The following UNC13B variants were observed in gnomAD, a reference collection of about 807,000 sequenced individuals.
The protein encoded by UNC13B is unc-13 homolog B, also known as protein unc-13 homolog B.
In UNC13B, 144 loss-of-function variants were observed where a neutral mutation model predicts 211.0. The ratio of observed to expected loss-of-function variants is 0.68; its 90% CI spans 0.60 to 0.78. The LOEUF (loss-of-function observed/expected upper bound fraction) is 0.78. Ranked by LOEUF, UNC13B falls within the 30% of genes least tolerant of loss-of-function variation. The pLI, the probability that UNC13B is intolerant of heterozygous loss-of-function variation, is 0.00. For synonymous variants in UNC13B, 709 were observed against 725.8 expected, an observed-to-expected ratio of 0.98 and a Z score of 0.37; for missense variants, 1,777 against 2,002.0, an observed-to-expected ratio of 0.89 and a Z score of 2.14.
At chr9:35,183,993 C>T (rs1365443952) in intron 1 of UNC13B, among the ~76,000 whole-genome samples, 2 of 149,982 alleles carry the variant, frequency 1.3e-5, no homozygotes, top group Non-Finnish European at 3.0e-5. Flanking sequence ...CCTCACCTCC[C>T]AGACGGGGCA....
intron 1 of UNC13B, among the ~76,000 whole-genome samples, chr9:35,209,154 T>C (rs1232966707): frequency 2.0e-5 from 3 of 152,146 alleles, no homozygotes; most frequent in Non-Finnish European, 4.4e-5. Flanking sequence ...AGTCTCCGCC[T>C]CACGAGTTCA....
intron 11 of UNC13B, chr9:35,342,303 T>C (rs1300600653): frequency 2.0e-6 from 2 of 985,690 alleles, no homozygotes; most frequent in Non-Finnish European, 2.4e-6. Flanking sequence ...TTTAATTTTT[T>C]TTTTTAATTT....
intron 6 of UNC13B, among the ~76,000 whole-genome samples, chr9:35,250,843 C>A (rs971387100): frequency 5.9e-5 from 9 of 151,870 alleles, no homozygotes; most frequent in African/African-American, 1.5e-4. Flanking sequence ...TTATTATATC[C>A]ATTCTTCGAT....
At chr9:35,320,588 T>C (rs1277564992) in intron 11 of UNC13B, among the ~76,000 whole-genome samples, 9 of 152,238 alleles carry the variant, frequency 5.9e-5, no homozygotes, top group Admixed American at 5.9e-4. Context: ...ATTTGCTGTT[T>C]CCCATGCTTA....
intron 1 of UNC13B, among the ~76,000 whole-genome samples, chr9:35,218,422 A>G (rs1824376900): frequency 6.6e-6 from 1 of 152,116 alleles, no homozygotes; most frequent in South Asian, 2.1e-4. Context: ...TCTGATTCAT[A>G]CAGCTCAATA....
intron 11 of UNC13B, among the ~76,000 whole-genome samples, chr9:35,314,907 T>TCAGGTCTTGCTCC (rs1564130879): frequency 1.1e-4 from 15 of 135,472 alleles, no homozygotes; most frequent in South Asian, 7.8e-4. Flanking sequence ...TTTTTTGAGT[T>TCAGGTCTTGCTCC]CAGGTCTTGC....
rs532853338 is a variant in UNC13B at position 35,231,206 on chromosome 9, C to G, written c.139C>G (p.Gln47Glu). ...AVRGDQPSWEQDFMFEISRLD... is the reference protein window; with the variant it reads ...AVRGDQPSWEEDFMFEISRLD... The stretch of plus-strand genomic sequence containing the variant: ...TCGTGGTGATCAGCCTTCCTGGGAA[C>G]AGGATTTCATGTTGTAAGTATTTTG... The change falls in exon 3 of 40, where the codon CAG (glutamine) becomes GAG (glutamate). Residue 47 changes from glutamine (Q) to glutamate (E), a missense_variant. Coordinates refer to ENST00000635942, the MANE Select transcript of UNC13B (RefSeq NM_001371189.2). 6.2e-6 allele frequency: 10 copies of G among 1,611,996 alleles called. No homozygotes were observed. The highest frequency in any genetic ancestry group is 8.5e-6 in the Non-Finnish European group (10 of 1,178,382).
chr9:35,313,318 T>C (rs976314154), intron 10 of UNC13B, among the ~76,000 whole-genome samples: 1 of 151,978 alleles, frequency 6.6e-6, no homozygotes. Flanking sequence ...ATTGGGTAAA[T>C]GAAAAAGAAG....
At chr9:35,220,247 G>T (rs1244269869) in intron 1 of UNC13B, among the ~76,000 whole-genome samples, 1 of 151,256 alleles carries the variant, frequency 6.6e-6, no homozygotes, top group Non-Finnish European at 1.5e-5. Flanking sequence ...TAGGGTAAAT[G>T]GGGTATCTAT....
intron 11 of UNC13B, chr9:35,352,177 G>A (rs1832757374): frequency 1.6e-6 from 2 of 1,232,208 alleles, no homozygotes; most frequent in Admixed American, 8.4e-5. Context: ...GACCCAGTGA[G>A]GAAGCCATTC....
intron 22 of UNC13B, chr9:35,384,906 G>A (rs1835093581): frequency 4.3e-6 from 3 of 694,934 alleles, no homozygotes; most frequent in Non-Finnish European, 3.5e-6. Context: ...GCTTTAAAGT[G>A]TGTGAATTTT....
At position 35,310,738 on chromosome 9, in the gene UNC13B, G is replaced by T; in HGVS notation, c.9280G>T (p.Asp3094Tyr). 1.2e-6 allele frequency: 2 copies of T among 1,613,920 alleles called. No individual in the cohort carries two copies. Among genetic ancestry groups the T allele is most frequent in the Non-Finnish European group, 1.7e-6 (2 of 1,179,948 alleles). Residue 3094 changes from aspartate to tyrosine, a missense_variant, in exon 10 of 40, where the codon GAT becomes TAT. By Grantham distance (160) the Asp-to-Tyr change is radical (BLOSUM62 -3). Coordinates refer to ENST00000635942, the MANE Select transcript of UNC13B (RefSeq NM_001371189.2). ...AGATGCCACAACCCACCCTCCCCCAGATCTGGTGCTGCAAAAAGACCACTT... is the reference window on the plus strand; with the variant it reads ...AGATGCCACAACCCACCCTCCCCCATATCTGGTGCTGCAAAAAGACCACTT... The part of the protein sequence containing the change: ...KEDATTHPPP[D>Y]LVLQKDHFLG...
intron 12 of UNC13B, among the ~76,000 whole-genome samples, chr9:35,369,725 C>T (rs1833996815): frequency 6.6e-6 from 1 of 152,008 alleles, no homozygotes; most frequent in Non-Finnish European, 1.5e-5. Flanking sequence ...TCTCTCATAC[C>T]ACCTCCCCTA....
Position 35,380,597 on chromosome 9 carries a change from G to T in UNC13B, c.10333G>T (p.Val3445Phe), listed in dbSNP as rs777965576. ...TTTCCTTGGCCAAACCATCATTGAGGTTCGGACCCTAAGTGGCGAGATGGA... is the reference window on the plus strand; with the variant it reads ...TTTCCTTGGCCAAACCATCATTGAGTTTCGGACCCTAAGTGGCGAGATGGA... ...DDFLGQTIIE[V>F]RTLSGEMDVW... Residue 3445 changes from valine (V) to phenylalanine (F), a missense_variant, in exon 18 of 40, where the codon GTT (valine) becomes TTT (phenylalanine). By Grantham distance (50) the Val-to-Phe change is conservative. Coordinates refer to ENST00000635942, the MANE Select transcript of UNC13B (RefSeq NM_001371189.2). The T allele has an allele frequency of 6.2e-7, 1 of 1,614,100 alleles. No individual in the cohort carries two copies. Among genetic ancestry groups the T allele is most frequent in the Admixed American group, 1.7e-5 (1 of 60,004 alleles).
intron 1 of UNC13B, among the ~76,000 whole-genome samples, chr9:35,212,354 C>T (rs1437447726): frequency 6.6e-6 from 1 of 152,188 alleles, no homozygotes; most frequent in African/African-American, 2.4e-5. Flanking sequence ...TAGTGGATCG[C>T]TTGAGGCTAG....
At chr9:35,265,411 T>C (rs1332225453) in intron 7 of UNC13B, among the ~76,000 whole-genome samples, 5 of 152,182 alleles carry the variant, frequency 3.3e-5, no homozygotes, top group Non-Finnish European at 7.4e-5. Flanking sequence ...AACCAAACCT[T>C]ATGGGAACAT....
intron 5 of UNC13B, among the ~76,000 whole-genome samples, chr9:35,240,290 A>AT (rs988650924): frequency 4.8e-4 from 73 of 151,912 alleles, no homozygotes; most frequent in African/African-American, 1.7e-3. Context: ...TTTTATTTTA[A>AT]TTTTTTACTG....
intron 11 of UNC13B, among the ~76,000 whole-genome samples, chr9:35,335,841 C>T (rs1274279006): frequency 6.6e-6 from 1 of 151,976 alleles, no homozygotes; most frequent in African/African-American, 2.4e-5. Context: ...ATAGCTAGGA[C>T]TACAAGGATG....
intron 11 of UNC13B, among the ~76,000 whole-genome samples, chr9:35,356,628 T>C (rs936810176): frequency 6.6e-6 from 1 of 152,186 alleles, no homozygotes; most frequent in Non-Finnish European, 1.5e-5. Flanking sequence ...TGCCATAAAA[T>C]TCACCTTAAA....
Sources: allele counts gnomAD v4.1 joint callset (sites outside exome capture counted in the v4.1 genomes callset), GRCh38; gene constraint gnomAD v4.1.1; transcripts MANE v1.5; gene names NCBI Gene and HGNC (gene_info 2026-07-23, HGNC 2026-07-21).